The following JAK1 variants were observed in gnomAD, a reference collection of about 807,000 sequenced individuals.
The protein encoded by JAK1 is tyrosine-protein kinase JAK1.
JAK1 carries 16 observed loss-of-function variants against 136.6 expected under a neutral mutation model. That is an observed-to-expected ratio of 0.12 (90% confidence interval 0.08 to 0.18). The LOEUF (loss-of-function observed/expected upper bound fraction) is 0.18. JAK1 is among the 10% of genes least tolerant of loss of function. The pLI is 1.00. For synonymous variants in JAK1, 492 were observed against 519.5 expected (o/e 0.95, Z 0.72); for missense variants, 859 against 1,450.1 (o/e 0.59, Z 6.62).
chr1:64,894,246 T>G (rs966929997), intron 1 of JAK1, among the ~76,000 whole-genome samples: 4 of 152,306 alleles, frequency 2.6e-5, no homozygotes, highest in African/African-American at 9.6e-5. Context: ...TCCCTCCAGA[T>G]TCAAAGTCCT....
chr1:64,894,945 C>T (rs985031041), intron 1 of JAK1, among the ~76,000 whole-genome samples: 3 of 152,130 alleles, frequency 2.0e-5, no homozygotes, highest in Admixed American at 2.0e-4. Flanking sequence ...GAGCTCTCAG[C>T]GAACCCTATC....
At chr1:64,986,899 T>A (rs548016610) in intron 2 of JAK1, among the ~76,000 whole-genome samples, 1 of 151,812 alleles carries the variant, frequency 6.6e-6, no homozygotes, top group South Asian at 2.1e-4. Flanking sequence ...AAAAAAAAAA[T>A]ATAAAGCACT....
intron 5 of JAK1, among the ~76,000 whole-genome samples, chr1:64,871,147 A>G (rs1279704952): frequency 1.3e-5 from 2 of 152,188 alleles, no homozygotes; most frequent in African/African-American, 4.8e-5. Flanking sequence ...TTTTCCACAC[A>G]GTATCTGCCT....
chr1:64,907,332 AAGAG>A (rs1187342396), intron 1 of JAK1, among the ~76,000 whole-genome samples: 1 of 152,198 alleles, frequency 6.6e-6, no homozygotes, highest in Non-Finnish European at 1.5e-5. Context: ...TTGATTCTGA[AAGAG>A]AGAATAACAT....
chr1:64,963,413 T>G (rs1167423687), intron 1 of JAK1, among the ~76,000 whole-genome samples: 1 of 152,144 alleles, frequency 6.6e-6, no homozygotes, highest in Non-Finnish European at 1.5e-5. Context: ...CTTAAAGAAA[T>G]TATAGAGCTA....
chr1:65,031,317 G>A (rs772690455), intron 2 of JAK1, among the ~76,000 whole-genome samples: 14 of 152,078 alleles, frequency 9.2e-5, no homozygotes, highest in Non-Finnish European at 1.8e-4. Flanking sequence ...CTACTTCTGT[G>A]GTATTTCTGC....
intron 1 of JAK1, among the ~76,000 whole-genome samples, chr1:64,945,057 C>T (rs1645959789): frequency 6.6e-6 from 1 of 151,758 alleles, no homozygotes; most frequent in Non-Finnish European, 1.5e-5. Flanking sequence ...GGGCAGAACC[C>T]CTAGTCGCAT....
Position 64,886,256 on chromosome 1 carries a change from T to C in JAK1, c.6+3A>G. On this transcript the variant is annotated splice_donor_region_variant and intron_variant, in intron 2 of 24. Coordinates refer to ENST00000342505, the MANE Select transcript of JAK1 (RefSeq NM_002227.4). ...TTTTTTAAAAATATGCAAATCTACATACCTGCATTTATTCAGCTGTCCAGT... is the reference window on the plus strand; with the variant it reads ...TTTTTTAAAAATATGCAAATCTACACACCTGCATTTATTCAGCTGTCCAGT... The C allele has an allele frequency of 1.3e-6, 2 of 1,580,736 alleles. No individual in the cohort carries two copies. The highest frequency in any genetic ancestry group is 2.3e-5 in the East Asian group (1 of 44,228).
chr1:64,954,272 A>G (rs532734314), intron 1 of JAK1, among the ~76,000 whole-genome samples: 1 of 152,354 alleles, frequency 6.6e-6, no homozygotes, highest in Admixed American at 6.5e-5. Flanking sequence ...CTGGAAAATG[A>G]TGCCAATAAG....
At chr1:64,987,074 T>TGGG (rs1287624566) in intron 2 of JAK1, among the ~76,000 whole-genome samples, 1 of 152,214 alleles carries the variant, frequency 6.6e-6, no homozygotes, top group African/African-American at 2.4e-5. Context: ...GCACAAGGTC[T>TGGG]AGCACAATTT....
rs563175438 is a variant in JAK1, at chr1:65,040,416, G to A, written c.-78+4064C>T. Among the ~76,000 whole-genome samples the A allele has an allele frequency of 1.2e-3, 184 of 152,134 alleles. 5 individuals are homozygous for A. The South Asian group carries it at 0.038, about 31-fold the overall frequency. ...TCATCACATCTTCTCCGACTCTCCTGCTTCCCACTTGTAAGAACCCTGTGA... is the reference window on the plus strand; with the variant it reads ...TCATCACATCTTCTCCGACTCTCCTACTTCCCACTTGTAAGAACCCTGTGA... On this transcript the variant is annotated intron_variant, in intron 2 of 25. Coordinates refer to the JAK1 transcript ENST00000671954.
chr1:64,930,572 T>C (rs1645672372), intron 1 of JAK1, among the ~76,000 whole-genome samples: 1 of 152,294 alleles, frequency 6.6e-6, no homozygotes, highest in South Asian at 2.1e-4. Context: ...AGTTCAACCA[T>C]TGTGGAAGAC....
intron 3 of JAK1, among the ~76,000 whole-genome samples, chr1:64,882,315 G>C (rs1406326652): frequency 6.6e-6 from 1 of 152,198 alleles, no homozygotes; most frequent in Admixed American, 6.5e-5. Context: ...TATCCCCTCA[G>C]AGTTGTTCTG....
At chr1:64,869,980 G>A (rs1656975047) in intron 5 of JAK1, among the ~76,000 whole-genome samples, 2 of 152,086 alleles carry the variant, frequency 1.3e-5, no homozygotes, top group Non-Finnish European at 2.9e-5. Flanking sequence ...CACATCTACC[G>A]TTCGAGTTTC....
chr1:64,844,808 G>A lies in JAK1; in HGVS notation c.2197C>T (p.Pro733Ser), dbSNP rs1357756750. 1.2e-6 allele frequency: 2 copies of A among 1,614,134 alleles called. No homozygotes were observed. Among genetic ancestry groups the A allele is most frequent in the South Asian group, 1.1e-5 (1 of 91,080 alleles). Residue 733 changes from proline (P) to serine (S), a missense_variant, in exon 16 of 25, where the codon CCA (proline) becomes TCA (serine). Around this residue, in one of 4 missense-constraint regions of JAK1, gnomAD observed 409 missense variants for 753.8 expected, o/e 0.54. Transcript: ENST00000342505. This position sits in a 1 kb window ranked among gnomAD's most constrained non-coding sequence, Gnocchi z 5.7. The stretch of plus-strand genomic sequence containing the variant: ...CCGGGGTCACTGAGCTTGATGAATG[G>A]GCCACACTCACTGTCGATGCCCTCA... ...AREGIDSECG[P>S]FIKLSDPGIP...
chr1:64,835,636 AAC>A, intron 23 of JAK1, 130 bp from the exon 24 acceptor site: 1 of 639,580 alleles, frequency 1.6e-6, no homozygotes, highest in Non-Finnish European at 2.7e-6. Flanking sequence ...TCTCCTTAGT[AAC>A]TTTAAATAAA....
intron 2 of JAK1, among the ~76,000 whole-genome samples, chr1:65,019,902 C>A (rs547487308): frequency 7.3e-6 from 1 of 136,114 alleles, no homozygotes; most frequent in Non-Finnish European, 1.6e-5. Flanking sequence ...GGTGACAGAG[C>A]GAGACTCTGT....
At chr1:64,860,070 A>G (rs1656189896) in intron 9 of JAK1, 35 bp downstream of exon 9, 1 of 1,446,034 alleles carries the variant, frequency 6.9e-7, no homozygotes. Context: ...GGCTCTCTGC[A>G]CACCAAAGGC....
chr1:65,047,935 GAC>G (rs1647203159), intron 1 of JAK1, among the ~76,000 whole-genome samples: 1 of 152,064 alleles, frequency 6.6e-6, no homozygotes, highest in Non-Finnish European at 1.5e-5. Context: ...ATCAGTTGTG[GAC>G]AGTTCAATAG....
Sources: gnomAD v4.1 joint callset for allele counts (sites outside exome capture counted in the v4.1 genomes callset) on GRCh38, gnomAD v4.1.1 for gene constraint, gnomAD v4.1.1 regional missense constraint, Gnocchi (gnomAD v3.1) non-coding constraint, MANE v1.5 for transcripts, NCBI Gene and HGNC (gene_info 2026-07-23, HGNC 2026-07-21) for gene names.